SLIT1: variants seen among roughly 807,000 people sequenced by gnomAD.
The protein encoded by SLIT1 is slit homolog 1 protein.
SLIT1 carries 66 observed loss-of-function variants against 186.1 expected under a neutral mutation model. The ratio of observed to expected loss-of-function variants is 0.35; its 90% CI spans 0.29 to 0.44. The LOEUF (loss-of-function observed/expected upper bound fraction) is 0.44. Among genes scored for constraint, SLIT1 ranks in the 20% least tolerant of loss-of-function variants. The pLI, the probability that SLIT1 is intolerant of heterozygous loss-of-function variation, is 1.00. For synonymous variants in SLIT1, 761 were observed against 833.8 expected, an observed-to-expected ratio of 0.91 and a Z score of 1.50; for missense variants, 1,638 against 2,037.4, an observed-to-expected ratio of 0.80 and a Z score of 3.77.
At chr10:97,088,316 C>T (rs932525301) in intron 4 of SLIT1, among the ~76,000 whole-genome samples, 2 of 152,216 alleles carry the variant, frequency 1.3e-5, no homozygotes, top group Admixed American at 6.5e-5. Flanking sequence ...CCTCTTTCTC[C>T]ACCCCTTTCT....
At position 97,054,881 on chromosome 10, in the gene SLIT1, T is replaced by C. The variant is rs534891513; in HGVS notation, c.1301+1440A>G. On this transcript the variant is annotated intron_variant, in intron 13 of 36. Coordinates refer to ENST00000266058, the MANE Select transcript of SLIT1 (RefSeq NM_003061.3). ...AACATAAACCAACATCAGCCAGTTA[T>C]ATTGCACAGGCTTTATTTAAATCCT... is the stretch of plus-strand genomic sequence containing the variant. Among the ~76,000 whole-genome samples, 29 of 152,380 alleles carry C rather than the reference T, an allele frequency of 1.9e-4. No individual in the cohort carries two copies. The South Asian group carries it at 6.0e-3, about 32-fold the overall frequency.
chr10:97,008,560 G>A (rs1258911316), intron 31 of SLIT1, among the ~76,000 whole-genome samples: 2 of 152,106 alleles, frequency 1.3e-5, no homozygotes, highest in Admixed American at 6.5e-5. Flanking sequence ...GCCAGGCGTG[G>A]TGGCACATGC....
chr10:97,024,941 G>A (rs756966743), intron 25 of SLIT1, among the ~76,000 whole-genome samples: 5 of 152,180 alleles, frequency 3.3e-5, no homozygotes, highest in Admixed American at 6.5e-5. Flanking sequence ...CACCTGAGAT[G>A]TAAGTGCTCC....
At chr10:97,049,485 C>T (rs540941575) in intron 13 of SLIT1, among the ~76,000 whole-genome samples, 1 of 152,370 alleles carries the variant, frequency 6.6e-6, no homozygotes, top group Admixed American at 6.5e-5. Context: ...CAGAGCACCC[C>T]TGGCCTTTCA....
intron 4 of SLIT1, among the ~76,000 whole-genome samples, chr10:97,122,923 G>A (rs1210876611): frequency 1.3e-5 from 2 of 152,134 alleles, no homozygotes; most frequent in Admixed American, 6.6e-5. Flanking sequence ...TCTACCTTGA[G>A]GCTCATCCCC....
intron 4 of SLIT1, 119 bp downstream of exon 4, chr10:97,157,699 G>T: frequency 1.3e-6 from 1 of 758,696 alleles, no homozygotes; most frequent in Admixed American, 2.0e-5. Flanking sequence ...CCTGCCAGGG[G>T]AGGAGCACAG....
chr10:97,095,915 T>C (rs941886787), intron 4 of SLIT1, among the ~76,000 whole-genome samples: 2 of 152,142 alleles, frequency 1.3e-5, no homozygotes, highest in African/African-American at 4.8e-5. Flanking sequence ...GATGGGCAGG[T>C]CTGGGGTGGG....
rs1183105129 is a variant in SLIT1, at chr10:97,038,668, T to A, written c.2298-902A>T. Among the ~76,000 whole-genome samples, 7 of 151,774 alleles carry A rather than the reference T, an allele frequency of 4.6e-5. No homozygotes were observed. The South Asian group carries it at 6.2e-4, about 14-fold the overall frequency. On this transcript the variant is annotated intron_variant, in intron 21 of 36. Coordinates refer to ENST00000266058, the MANE Select transcript of SLIT1 (RefSeq NM_003061.3). ...AGCCAAGCTGAGCTCCAGCACAGGA[T>A]CTCCACCCCCCAACTAACTACAGCC...
At chr10:97,174,264 G>A (rs918652149) in intron 1 of SLIT1, among the ~76,000 whole-genome samples, 13 of 152,168 alleles carry the variant, frequency 8.5e-5, no homozygotes, top group African/African-American at 2.4e-4. Context: ...CTGTATCCCC[G>A]GCACCTGTGA....
At chr10:97,020,514 C>T (rs554577558) in intron 26 of SLIT1, among the ~76,000 whole-genome samples, 4 of 152,256 alleles carry the variant, frequency 2.6e-5, no homozygotes, top group African/African-American at 4.8e-5. Flanking sequence ...TCAGGCCCCC[C>T]GGAGCCGTTA....
At chr10:97,110,786 T>G (rs1374699474) in intron 4 of SLIT1, among the ~76,000 whole-genome samples, 3 of 152,226 alleles carry the variant, frequency 2.0e-5, no homozygotes, top group African/African-American at 7.2e-5. Context: ...TTCTTTTGCT[T>G]AAGTTTGGTG....
intron 11 of SLIT1, chr10:97,057,737 G>C: frequency 2.2e-6 from 1 of 460,970 alleles, no homozygotes; most frequent in South Asian, 3.6e-5. Flanking sequence ...TCCGGATGGT[G>C]GGACTTCAAG....
intron 4 of SLIT1, among the ~76,000 whole-genome samples, chr10:97,076,849 G>A (rs1161391003): frequency 6.6e-6 from 1 of 152,224 alleles, no homozygotes; most frequent in East Asian, 1.9e-4. Flanking sequence ...CAGGGCCAGG[G>A]TGCAAAGCAG....
chr10:97,046,581 C>T, intron 18 of SLIT1, 73 bp downstream of exon 18: 1 of 1,456,656 alleles, frequency 6.9e-7, no homozygotes, highest in Non-Finnish European at 9.1e-7. Flanking sequence ...CCTCCAGCCT[C>T]TCTCTTCCTT....
chr10:97,075,099 T>A (rs775574033), intron 4 of SLIT1, among the ~76,000 whole-genome samples: 7 of 152,196 alleles, frequency 4.6e-5, no homozygotes, highest in Non-Finnish European at 5.9e-5. Context: ...TCATGCCACA[T>A]GGAAGCTCTG....
At chr10:97,078,248 C>T (rs538122731) in intron 4 of SLIT1, among the ~76,000 whole-genome samples, 14 of 152,278 alleles carry the variant, frequency 9.2e-5, no homozygotes, top group South Asian at 6.2e-4. Flanking sequence ...CCTTATTCAT[C>T]CCACCCACAT....
At chr10:97,033,791 C>T (rs1402943605) in intron 23 of SLIT1, among the ~76,000 whole-genome samples, 1 of 151,630 alleles carries the variant, frequency 6.6e-6, no homozygotes, top group East Asian at 1.9e-4. Flanking sequence ...GTCAGGACAG[C>T]AGCTGCCTTG....
At chr10:97,145,853 A>G (rs951268450) in intron 4 of SLIT1, among the ~76,000 whole-genome samples, 2 of 152,192 alleles carry the variant, frequency 1.3e-5, no homozygotes, top group African/African-American at 4.8e-5. Context: ...TGAGGAGCCC[A>G]GGGCTCCTTG....
chr10:97,018,222 G>C (rs1848471032), intron 28 of SLIT1, among the ~76,000 whole-genome samples: 1 of 152,182 alleles, frequency 6.6e-6, no homozygotes, highest in South Asian at 2.1e-4. Flanking sequence ...TTTGGCCATG[G>C]AATCCGAGTG....
Sources: gnomAD v4.1 joint callset for allele counts (sites outside exome capture counted in the v4.1 genomes callset) on GRCh38, gnomAD v4.1.1 for gene constraint, MANE v1.5 for transcripts, NCBI Gene and HGNC (gene_info 2026-07-23, HGNC 2026-07-21) for gene names.